Variants in SMAP2 observed in about 807,000 individuals in gnomAD.
SMAP2 encodes stromal membrane-associated protein 2.
A neutral mutation model predicts 56.4 loss-of-function variants in SMAP2; 25 were observed. The ratio of observed to expected loss-of-function variants is 0.44; its 90% CI spans 0.32 to 0.62. SMAP2 has a LOEUF of 0.62. Among genes scored for constraint, SMAP2 ranks in the 20% least tolerant of loss-of-function variants. SMAP2 has a pLI of 0.04. For synonymous variants in SMAP2, 157 were observed against 181.7 expected (o/e 0.86, Z 1.09); for missense variants, 388 against 545.6 (o/e 0.71, Z 2.88).
intron 1 of SMAP2, among the ~76,000 whole-genome samples, chr1:40,376,037 G>C (rs1379158192): frequency 6.6e-6 from 1 of 152,040 alleles, no homozygotes; most frequent in Admixed American, 6.6e-5. Flanking sequence ...TGCAACCTCT[G>C]CCTCCCGGGT....
chr1:40,357,012 A>G (rs1184487950), intron 1 of SMAP2, among the ~76,000 whole-genome samples: 1 of 149,546 alleles, frequency 6.7e-6, no homozygotes, highest in Non-Finnish European at 1.5e-5. Flanking sequence ...AAATCAGATT[A>G]TTAGATTTTT....
chr1:40,353,690 G>A (rs1245232997), intron 1 of SMAP2, among the ~76,000 whole-genome samples: 1 of 152,226 alleles, frequency 6.6e-6, no homozygotes, highest in Admixed American at 6.5e-5. Context: ...AGAGACTGCT[G>A]AGCCCTATCC....
intron 1 of SMAP2, among the ~76,000 whole-genome samples, chr1:40,405,534 T>C (rs1644877525): frequency 6.6e-6 from 1 of 152,176 alleles, no homozygotes; most frequent in Non-Finnish European, 1.5e-5. Context: ...ACCAAATAAT[T>C]GTCTGTGTCC....
intron 1 of SMAP2, among the ~76,000 whole-genome samples, chr1:40,361,080 GGAGAAA>G: frequency 1.3e-5 from 2 of 152,190 alleles, no homozygotes; most frequent in Non-Finnish European, 2.9e-5. Flanking sequence ...TGCAGTTCCA[GGAGAAA>G]GTCATTTCTT....
At position 40,414,176 on chromosome 1, in the gene SMAP2, C is replaced by A. The variant is rs756732892; in HGVS notation, c.507C>A (p.Asp169Glu). ...EKVKMPQKKE[D>E]PQLPRKSSPK... Reference sequence around the variant, plus strand: ...CACCTTAGCCACAGAAAAAAGAAGACCCACAGCTACCTCGGAAAAGCTCCC... The same window carrying A: ...CACCTTAGCCACAGAAAAAAGAAGAACCACAGCTACCTCGGAAAAGCTCCC... Residue 169 changes from aspartate to glutamate, a missense_variant, in exon 6 of 10, where the codon GAC becomes GAA. Coordinates refer to ENST00000372718, the MANE Select transcript of SMAP2 (RefSeq NM_022733.3). 5 of 1,614,124 alleles carry A rather than the reference C, an allele frequency of 3.1e-6. No individual in the cohort carries two copies. In the Admixed American group the frequency reaches 8.3e-5, roughly 27 times the overall value.
At chr1:40,409,902 C>T in intron 4 of SMAP2, 67 bp downstream of exon 4, 1 of 1,093,990 alleles carries the variant, frequency 9.1e-7, no homozygotes, top group Non-Finnish European at 1.4e-6. Flanking sequence ...GGCCAGAGAA[C>T]ACGTTGAAGA....
intron 1 of SMAP2, among the ~76,000 whole-genome samples, chr1:40,383,431 G>T (rs1028477441): frequency 2.0e-5 from 3 of 152,192 alleles, no homozygotes; most frequent in Admixed American, 1.3e-4. Context: ...GAGCAAGGGA[G>T]GGATCCCAGC....
intron 4 of SMAP2, among the ~76,000 whole-genome samples, chr1:40,411,862 T>C (rs1263963601): frequency 1.3e-5 from 2 of 152,210 alleles, no homozygotes; most frequent in Non-Finnish European, 2.9e-5. Context: ...GAAATATCCA[T>C]ACATACTCTC....
Position 40,374,747 on chromosome 1 carries a change from C to T in SMAP2, c.103+524C>T. ...CTTCCTGCTATTTGGTTAGCAACTC[C>T]TGTCATTTTGCAGCCTTGCTAAGAT... On this transcript the variant is annotated intron_variant, in intron 1 of 9. Transcript: ENST00000372718. This position sits in a 1 kb window ranked among gnomAD's most constrained non-coding sequence, Gnocchi z 5.9. 1 of 1,550,488 alleles carries T rather than the reference C, an allele frequency of 6.4e-7. No individual in the cohort carries two copies. Among genetic ancestry groups the T allele is most frequent in the South Asian group, 1.2e-5 (1 of 84,066 alleles).
intron 2 of SMAP2, among the ~76,000 whole-genome samples, chr1:40,362,666 G>A (rs1285249008): frequency 6.6e-6 from 1 of 152,034 alleles, no homozygotes; most frequent in Non-Finnish European, 1.5e-5. Context: ...TTCCCCCAGT[G>A]TTCTGCCATT....
At chr1:40,361,956 G>T (rs942889748) in intron 1 of SMAP2, among the ~76,000 whole-genome samples, 1 of 152,232 alleles carries the variant, frequency 6.6e-6, no homozygotes, top group African/African-American at 2.4e-5. Context: ...CCAGTGAGGA[G>T]CGTTTAAAGA....
At chr1:40,400,277 C>T (rs1272568179) in intron 1 of SMAP2, among the ~76,000 whole-genome samples, 1 of 152,216 alleles carries the variant, frequency 6.6e-6, no homozygotes, top group Non-Finnish European at 1.5e-5. Context: ...TGGGCTAGAC[C>T]TTTAAGACCT....
chr1:40,370,779 C>T (rs1243682125), upstream of SMAP2, among the ~76,000 whole-genome samples: 2 of 136,168 alleles, frequency 1.5e-5, no homozygotes, highest in African/African-American at 2.8e-5. Flanking sequence ...GTGGGTGCAG[C>T]GCACCAGCAT....
intron 1 of SMAP2, among the ~76,000 whole-genome samples, chr1:40,354,975 GGT>G (rs1194770910): frequency 6.6e-6 from 1 of 150,886 alleles, no homozygotes; most frequent in Non-Finnish European, 1.5e-5. Flanking sequence ...GTAGAGAGGG[GGT>G]TTCACCATGT....
intron 9 of SMAP2, among the ~76,000 whole-genome samples, chr1:40,420,853 G>T (rs780975848): frequency 3.9e-5 from 6 of 152,216 alleles, no homozygotes; most frequent in Non-Finnish European, 5.9e-5. Flanking sequence ...ATGGAAGGAA[G>T]TGTTAGGGAA....
intron 1 of SMAP2, among the ~76,000 whole-genome samples, chr1:40,399,138 G>T (rs1644802437): frequency 6.6e-6 from 1 of 151,548 alleles, no homozygotes; most frequent in South Asian, 2.1e-4. Flanking sequence ...TTATTTCATT[G>T]ATTTATTTTT....
rs1055446928 is a variant in SMAP2 at position 40,422,321 on chromosome 1, T to C, written c.*220T>C. The C allele has an allele frequency of 2.8e-5, 15 of 527,190 alleles. No homozygotes were observed. Among genetic ancestry groups the C allele is most frequent in the Non-Finnish European group, 4.7e-5 (14 of 299,086 alleles). The allele number at this position is 527,190 out of a possible 1,614,324, so 32.7% of individuals were successfully genotyped here. ...ATGCCCCATAGCCATCCCAACGTCCTCCCCAGTCCTCTCCTGGCACCAGCA... is the reference window on the plus strand; with the variant it reads ...ATGCCCCATAGCCATCCCAACGTCCCCCCCAGTCCTCTCCTGGCACCAGCA... On this transcript the variant is annotated 3_prime_UTR_variant, in exon 10 of 10. Transcript: ENST00000372718.
rs1179820346 is a variant in SMAP2 at position 40,408,400 on chromosome 1, G to GT, written c.238-252dup. On this transcript the variant is annotated intron_variant, in intron 2 of 9. Transcript: ENST00000372718. The surrounding 1 kb of genome is among the most constrained non-coding windows in gnomAD (Gnocchi z 4.3). ...ATCTTGATTTATTACTGAATTGAAT[G>GT]TATCTTGGTACACAAATATTTCAGT... is the stretch of plus-strand genomic sequence containing the variant. 1.3e-5 allele frequency among the ~76,000 whole-genome samples: 2 copies of GT among 152,186 alleles called. No homozygotes were observed. Among genetic ancestry groups the GT allele is most frequent in the Non-Finnish European group, 2.9e-5 (2 of 68,024 alleles).
chr1:40,414,079 C>A, intron 5 of SMAP2, 80 bp from the exon 6 acceptor site: 1 of 1,256,450 alleles, frequency 8.0e-7, no homozygotes, highest in South Asian at 1.2e-5. Context: ...CCCACAAGAA[C>A]ACCGTGGCTT....
Sources: allele counts gnomAD v4.1 joint callset (sites outside exome capture counted in the v4.1 genomes callset), GRCh38; gene constraint gnomAD v4.1.1; non-coding constraint Gnocchi (gnomAD v3.1); transcripts MANE v1.5; gene names NCBI Gene and HGNC (gene_info 2026-07-23, HGNC 2026-07-21).